BDP1: variants seen among roughly 807,000 people sequenced by gnomAD.
BDP1 encodes BDP1 general transcription factor IIIB subunit.
BDP1 carries 169 observed loss-of-function variants against 266.6 expected under a neutral mutation model. That is an observed-to-expected ratio of 0.63 (90% CI 0.56 to 0.72). BDP1 has a LOEUF of 0.72. Ranked by LOEUF, BDP1 falls within the 30% of genes least tolerant of loss-of-function variation. The probability of loss-of-function intolerance (pLI) is 0.00; values close to 1 mark genes in which losing one functional copy is unlikely to be tolerated. For synonymous variants in BDP1, 1,090 were observed against 1,022.4 expected (o/e 1.07, Z -1.26); for missense variants, 3,015 against 3,053.8 (o/e 0.99, Z 0.30).
At chr5:71,471,354 C>G (rs1190166192) in intron 7 of BDP1, among the ~76,000 whole-genome samples, 3 of 152,066 alleles carry the variant, frequency 2.0e-5, no homozygotes, top group Admixed American at 6.6e-5. Flanking sequence ...GTTCGTCAGC[C>G]TGGTCTTGAA....
Position 71,501,718 on chromosome 5 carries a change from A to C in BDP1, c.2048+65A>C, listed in dbSNP as rs979046460. 4 of 981,104 alleles carry C rather than the reference A, an allele frequency of 4.1e-6. No homozygotes were observed. In the African/African-American group the frequency reaches 6.6e-5, roughly 16 times the overall value. The allele number at this position is 981,104 out of a possible 1,614,324, so 60.8% of individuals were successfully genotyped here. On this transcript the variant is annotated intron_variant, in intron 14 of 38. Transcript: ENST00000358731. ...AGTAACTCTTAGGAATGATGGTAAT[A>C]ATTTGTTTTCTACTTAATAAGGTCT... is the stretch of plus-strand genomic sequence containing the variant.
downstream of BDP1, among the ~76,000 whole-genome samples, chr5:71,568,498 T>C (rs1021366217): frequency 8.5e-5 from 13 of 152,200 alleles, no homozygotes; most frequent in Non-Finnish European, 1.6e-4. Context: ...AGATGGGGTT[T>C]CGCTTTGTTG....
chr5:71,533,684 G>A lies in BDP1; in HGVS notation c.5892+1257G>A, dbSNP rs116295019. Among the ~76,000 whole-genome samples the A allele has an allele frequency of 1.0e-2, 1,507 of 151,422 alleles. 29 individuals are homozygous for A. The highest frequency in any genetic ancestry group is 0.034 in the African/African-American group (1,417 of 41,206). Reference sequence around the variant, plus strand: ...TTGCTGTGTTGTTCAGGCTGGTCTCGTACTCCTGTCCTCAAGTGATACTTT... The same window carrying A: ...TTGCTGTGTTGTTCAGGCTGGTCTCATACTCCTGTCCTCAAGTGATACTTT... On this transcript the variant is annotated intron_variant, in intron 26 of 38. Transcript: ENST00000358731.
chr5:71,537,930 C>T (rs1438161914), intron 26 of BDP1: 1 of 152,778 alleles, frequency 6.5e-6, no homozygotes, highest in African/African-American at 2.4e-5. Context: ...TGGCTGCTAC[C>T]ACTCCTCCCA....
chr5:71,531,841 A>T (rs1344272009), intron 25 of BDP1, among the ~76,000 whole-genome samples: 1 of 152,170 alleles, frequency 6.6e-6, no homozygotes, highest in Non-Finnish European at 1.5e-5. Flanking sequence ...TCAACTCATT[A>T]TAGATAGCAT....
At position 71,516,280 on chromosome 5, in the gene BDP1, T is replaced by C. The variant is rs748740807; in HGVS notation, c.4860+9T>C. 4 of 1,600,762 alleles carry C rather than the reference T, an allele frequency of 2.5e-6. No homozygotes were observed. The highest frequency in any genetic ancestry group is 1.1e-5 in the South Asian group (1 of 89,504). ...AGAAAGTCTTAACTGTGGTGAGTTA[T>C]TGTTATGTAATTAAATTTAGCCTTT... On this transcript the variant is annotated intron_variant, in intron 21 of 38. Transcript: ENST00000358731.
rs5868597 is a variant in BDP1, at chr5:71,463,829, TA to T, written c.600-212del. 0.33 allele frequency among the ~76,000 whole-genome samples: 48,160 copies of T among 144,202 alleles called. 8,297 individuals carry two copies. Among genetic ancestry groups the T allele is most frequent in the East Asian group, 0.5 (2,448 of 4,924 alleles). The allele number at this position is 144,202 out of a possible 152,430, so 94.6% of individuals were successfully genotyped here. A position where few individuals can be genotyped will look rare whatever the true frequency, so the allele number is the denominator to read the frequency against. On this transcript the variant is annotated intron_variant, in intron 3 of 38. Coordinates refer to ENST00000358731, the MANE Select transcript of BDP1 (RefSeq NM_018429.3). ...ACACAGCAAGACCCTGTTGTTGTAT[TA>T]AAAAAAAAAAAAAAAAGTATTCTTT...
chr5:71,510,374 T>G lies in BDP1; in HGVS notation c.3282T>G (p.Thr1094=). 1 of 1,612,874 alleles carries G rather than the reference T, an allele frequency of 6.2e-7. No homozygotes were observed. Among genetic ancestry groups the G allele is most frequent in the South Asian group, 1.1e-5 (1 of 91,044 alleles). Residue 1094 remains threonine, a synonymous_variant, in exon 17 of 39, where the codon ACT becomes ACG. Transcript: ENST00000358731. ...IEEIEIDLEE[T]EREISPQENG... ...AAATAGAGATAGATTTGGAAGAAAC[T>G]GAAAGAGAAATATCCCCACAGGAAA...
Position 71,566,910 on chromosome 5 carries a change from TAGAAG to T in BDP1, c.*2030_*2034del, listed in dbSNP as rs1192876934. The stretch of plus-strand genomic sequence containing the variant: ...GGTGGCCAGTTTTTAAGTTCCTTAA[TAGAAG>T]AGAATTATGTCTCAGCACATATAAC... On this transcript the variant is annotated 3_prime_UTR_variant, in exon 39 of 39. Transcript: ENST00000358731. The T allele has an allele frequency of 6.6e-6, 1 of 152,238 alleles. No homozygotes were observed. Among genetic ancestry groups the T allele is most frequent in the Non-Finnish European group, 1.5e-5 (1 of 68,030 alleles). The allele number at this position is 152,238 out of a possible 1,614,324, so 9.4% of individuals were successfully genotyped here.
At chr5:71,474,271 T>C (rs1024392620) in intron 7 of BDP1, among the ~76,000 whole-genome samples, 9 of 151,718 alleles carry the variant, frequency 5.9e-5, no homozygotes, top group African/African-American at 1.7e-4. Context: ...TGAGCCACCG[T>C]GCCTGGCCTG....
intron 7 of BDP1, among the ~76,000 whole-genome samples, chr5:71,482,339 G>A (rs1252434184): frequency 6.6e-6 from 1 of 152,174 alleles, no homozygotes; most frequent in Non-Finnish European, 1.5e-5. Context: ...GAGAGCCAAG[G>A]TAAACATGGG....
At chr5:71,576,543 A>AT in the BDP1 span, among the ~76,000 whole-genome samples, 3,804 of 152,302 alleles carry the variant, frequency 0.025, 73 homozygotes, top group South Asian at 0.074. Flanking sequence ...TGTGCTGACT[A>AT]TACAGAATGG....
intron 14 of BDP1, among the ~76,000 whole-genome samples, chr5:71,501,989 T>G (rs991825199): frequency 7.9e-5 from 12 of 152,158 alleles, no homozygotes; most frequent in Admixed American, 2.0e-4. Context: ...ACTGGTGGAT[T>G]CTGGGCTCTT....
At chr5:71,470,778 C>T (rs116366024) in intron 7 of BDP1, among the ~76,000 whole-genome samples, 97 of 151,698 alleles carry the variant, frequency 6.4e-4, no homozygotes, top group Non-Finnish European at 1.1e-3. Flanking sequence ...TTAGTAGAGA[C>T]GGGGTTTTAC....
intron 3 of BDP1, among the ~76,000 whole-genome samples, chr5:71,462,704 T>C (rs1216750147): frequency 6.6e-6 from 1 of 151,992 alleles, no homozygotes; most frequent in Non-Finnish European, 1.5e-5. Flanking sequence ...CAGTGAACCA[T>C]GTTCATGCCA....
intron 7 of BDP1, among the ~76,000 whole-genome samples, chr5:71,480,047 C>A (rs1457311974): frequency 6.6e-6 from 1 of 151,838 alleles, no homozygotes; most frequent in East Asian, 1.9e-4. Context: ...CAGGTTCAAT[C>A]GATTCTCCTT....
chr5:71,535,668 A>G (rs1163229504), intron 26 of BDP1, among the ~76,000 whole-genome samples: 1 of 152,118 alleles, frequency 6.6e-6, no homozygotes, highest in African/African-American at 2.4e-5. Context: ...AGGTGTCACC[A>G]ATGTTGGTTC....
At position 71,517,400 on chromosome 5, in the gene BDP1, C is replaced by T; in HGVS notation, c.4939C>T (p.Gln1647Ter). The change falls in exon 22 of 39, where the codon CAG (glutamine) becomes TAG (stop). Residue 1647 changes from glutamine to a stop codon, truncating the protein, a stop_gained. Coordinates refer to ENST00000358731, the MANE Select transcript of BDP1 (RefSeq NM_018429.3). LOFTEE classifies it high-confidence loss of function. ...PEHRMYENQS[Q>*]VVLVENLHVN... ...ACACAGAATGTATGAAAATCAAAGT[C>T]AGGTGGTTCTTGTAGAAAACCTTCA... is the stretch of plus-strand genomic sequence containing the variant. 6.2e-7 allele frequency: 1 copy of T among 1,604,798 alleles called. No individual in the cohort carries two copies. Among genetic ancestry groups the T allele is most frequent in the Non-Finnish European group, 8.5e-7 (1 of 1,177,452 alleles).
At chr5:71,481,279 G>A (rs554721968) in intron 7 of BDP1, among the ~76,000 whole-genome samples, 4 of 151,402 alleles carry the variant, frequency 2.6e-5, no homozygotes, top group South Asian at 2.1e-4. Flanking sequence ...GGCCAGGCGC[G>A]GTGGTTCACA....
Sources: allele counts gnomAD v4.1 joint callset (sites outside exome capture counted in the v4.1 genomes callset), GRCh38; gene constraint gnomAD v4.1.1; transcripts MANE v1.5; gene names NCBI Gene and HGNC (gene_info 2026-07-23, HGNC 2026-07-21).